The following TYW1B variants were observed in gnomAD, a reference collection of about 807,000 sequenced individuals.
TYW1B encodes S-adenosyl-L-methionine-dependent tRNA 4-demethylwyosine synthase TYW1B.
A neutral mutation model predicts 86.9 loss-of-function variants in TYW1B; 73 were observed. The observed-to-expected ratio is 0.84, with a 90% CI of 0.70 to 1.02. The LOEUF (loss-of-function observed/expected upper bound fraction) is 1.02. Ranked by LOEUF, TYW1B falls within the 50% of genes least tolerant of loss-of-function variation. The pLI is 0.00. For missense variants in TYW1B, 637 were observed against 827.4 expected (o/e 0.77, Z 2.82); for synonymous variants, 248 against 292.8 (o/e 0.85, Z 1.56).
At chr7:72,734,515 A>C (rs1446168107) in intron 8 of TYW1B, among the ~76,000 whole-genome samples, 2 of 152,200 alleles carry the variant, frequency 1.3e-5, no homozygotes, top group African/African-American at 4.8e-5. Context: ...CTGTGAAAAC[A>C]CAGAGGAAAC....
intron 8 of TYW1B, among the ~76,000 whole-genome samples, chr7:72,741,369 G>A (rs1219126336): frequency 6.6e-6 from 1 of 152,056 alleles, no homozygotes; most frequent in East Asian, 1.9e-4. Flanking sequence ...GATTTGAACA[G>A]GCAAAAGAAA....
At chr7:72,734,230 C>T (rs1469277863) in intron 8 of TYW1B, among the ~76,000 whole-genome samples, 12 of 99,490 alleles carry the variant, frequency 1.2e-4, no homozygotes, top group East Asian at 2.7e-4. Flanking sequence ...TGCGCTCCAG[C>T]GCAGGCAACA....
chr7:72,739,962 T>G (rs1212956978), intron 8 of TYW1B, among the ~76,000 whole-genome samples: 3 of 148,156 alleles, frequency 2.0e-5, no homozygotes, highest in Admixed American at 6.8e-5. Flanking sequence ...CCGGGTATGG[T>G]GGCTCAAGTC....
At chr7:72,586,664 G>T (rs1811284434) in intron 13 of TYW1B, among the ~76,000 whole-genome samples, 1 of 152,104 alleles carries the variant, frequency 6.6e-6, no homozygotes, top group Admixed American at 6.6e-5. Flanking sequence ...TTGAACCTGG[G>T]AGGCGGAGGT....
intron 7 of TYW1B, among the ~76,000 whole-genome samples, chr7:72,774,129 G>C (rs1787912739): frequency 1.3e-5 from 2 of 151,362 alleles, no homozygotes; most frequent in Admixed American, 6.6e-5. Flanking sequence ...AGGAAGGGAA[G>C]GACTGAGGAA....
intron 11 of TYW1B, among the ~76,000 whole-genome samples, chr7:72,686,834 T>C (rs1814017795): frequency 6.6e-6 from 1 of 152,100 alleles, no homozygotes; most frequent in Admixed American, 6.6e-5. Flanking sequence ...CTCTGAACCC[T>C]CTGCTCAATT....
chr7:72,615,417 T>A (rs1209357675), intron 13 of TYW1B, among the ~76,000 whole-genome samples: 1 of 152,240 alleles, frequency 6.6e-6, no homozygotes, highest in African/African-American at 2.4e-5. Flanking sequence ...AGACCTCAGA[T>A]TCCATACGGA....
At chr7:72,638,709 G>T (rs1477038081) in intron 11 of TYW1B, among the ~76,000 whole-genome samples, 1 of 152,214 alleles carries the variant, frequency 6.6e-6, no homozygotes, top group Admixed American at 6.5e-5. Context: ...TTGGAAGAAA[G>T]AAATAAAACG....
At chr7:72,703,008 ATATATATATATATATAT>A (rs1308757484) in intron 10 of TYW1B, among the ~76,000 whole-genome samples, 2 of 28,748 alleles carry the variant, frequency 7.0e-5, no homozygotes, top group Admixed American at 3.7e-4. Flanking sequence ...ATATATATAT[ATATATATATATATATAT>A]ATTTTTTTTT....
At chr7:72,601,702 A>C (rs1412689250) in intron 13 of TYW1B, among the ~76,000 whole-genome samples, 3 of 151,574 alleles carry the variant, frequency 2.0e-5, no homozygotes, top group Non-Finnish European at 4.4e-5. Context: ...AAAATGAGCT[A>C]TCAAGCCAGG....
At chr7:72,609,275 G>C (rs1333333263) in intron 13 of TYW1B, among the ~76,000 whole-genome samples, 5 of 152,082 alleles carry the variant, frequency 3.3e-5, no homozygotes, top group Non-Finnish European at 5.9e-5. Context: ...AGTAGAAATT[G>C]AGGCTGGGCA....
intron 7 of TYW1B, among the ~76,000 whole-genome samples, chr7:72,769,681 G>C (rs1309094951): frequency 1.3e-5 from 2 of 152,176 alleles, no homozygotes; most frequent in African/African-American, 4.8e-5. Flanking sequence ...AACATATAAA[G>C]AACTTCTAGA....
Position 72,632,378 on chromosome 7 carries a change from A to ATATATAT in TYW1B, c.1507-3388_1507-3382dup, listed in dbSNP as rs1269995684. 3.8e-3 allele frequency among the ~76,000 whole-genome samples: 414 copies of ATATATAT among 109,996 alleles called. 15 individuals carry two copies. The highest frequency in any genetic ancestry group is 0.017 in the African/African-American group (381 of 22,110). The allele number at this position is 109,996 out of a possible 152,430, so 72.2% of individuals were successfully genotyped here. A position where few individuals can be genotyped will look rare whatever the true frequency, so the allele number is the denominator to read the frequency against. Reference sequence around the variant, plus strand: ...TATTATATATATACGCATATATATTATATATATACGTATATATATATAATA... The same window carrying ATATATAT: ...TATTATATATATACGCATATATATTATATATATTATATATACGTATATATATATAATA... On this transcript the variant is annotated intron_variant, in intron 11 of 13. Transcript: ENST00000620995.
chr7:72,810,365 T>C, intron 4 of TYW1B, 106 bp downstream of exon 4: 2 of 1,168,858 alleles, frequency 1.7e-6, no homozygotes. Context: ...TGTGTGTTTA[T>C]GTGTGTGTAC....
chr7:72,695,497 T>C (rs1554451305), intron 10 of TYW1B, among the ~76,000 whole-genome samples: 1 of 152,172 alleles, frequency 6.6e-6, no homozygotes, highest in East Asian at 1.9e-4. Flanking sequence ...TTTCCATGAA[T>C]ACCACTCATT....
chr7:72,785,436 A>G (rs1362880827), intron 6 of TYW1B, among the ~76,000 whole-genome samples: 1 of 147,786 alleles, frequency 6.8e-6, no homozygotes, highest in East Asian at 1.9e-4. Flanking sequence ...TTCTAATATA[A>G]TTAGAATTAG....
intron 3 of TYW1B, among the ~76,000 whole-genome samples, chr7:72,812,132 T>C (rs564853147): frequency 1.8e-5 from 2 of 112,036 alleles, no homozygotes; most frequent in East Asian, 4.4e-4. Context: ...TTTTGGATTT[T>C]AGAGGTGTTT....
intron 8 of TYW1B, among the ~76,000 whole-genome samples, chr7:72,736,992 C>T (rs569499415): frequency 3.9e-5 from 6 of 152,246 alleles, no homozygotes; most frequent in South Asian, 2.1e-4. Flanking sequence ...CACACCACTG[C>T]GCTCCAGCCT....
chr7:72,613,561 C>T (rs1554436348), intron 13 of TYW1B, among the ~76,000 whole-genome samples: 1 of 151,910 alleles, frequency 6.6e-6, no homozygotes, highest in Non-Finnish European at 1.5e-5. Context: ...GCCCCCGCCA[C>T]CACACCCAGC....
Sources: gnomAD v4.1 joint callset for allele counts (sites outside exome capture counted in the v4.1 genomes callset) on GRCh38, gnomAD v4.1.1 for gene constraint, MANE v1.5 for transcripts, NCBI Gene and HGNC (gene_info 2026-07-23, HGNC 2026-07-21) for gene names.